The following WWP1 variants were observed in gnomAD, a reference collection of about 807,000 sequenced individuals.
WWP1 encodes NEDD4-like E3 ubiquitin-protein ligase WWP1.
WWP1 carries 49 observed loss-of-function variants against 130.6 expected under a neutral mutation model. That is an observed-to-expected ratio of 0.38 (90% confidence interval 0.30 to 0.48). The LOEUF is 0.48. WWP1 is among the 20% of genes least tolerant of loss of function. The pLI is 0.99. For synonymous variants in WWP1, 332 were observed against 367.8 expected, an observed-to-expected ratio of 0.90 and a Z score of 1.11; for missense variants, 809 against 1,100.6, an observed-to-expected ratio of 0.74 and a Z score of 3.75.
intron 24 of WWP1, among the ~76,000 whole-genome samples, chr8:86,466,487 A>G (rs1307555249): frequency 1.3e-5 from 2 of 152,084 alleles, no homozygotes; most frequent in Admixed American, 1.3e-4. Flanking sequence ...TCCTAAGAGA[A>G]GTTAAGAGGA....
At chr8:86,377,173 C>T (rs966343256) in intron 3 of WWP1, among the ~76,000 whole-genome samples, 1 of 152,100 alleles carries the variant, frequency 6.6e-6, no homozygotes, top group Non-Finnish European at 1.5e-5. Flanking sequence ...GCAACCTCCC[C>T]CTCCTGGGTT....
At position 86,449,075 on chromosome 8, in the gene WWP1, A is replaced by G. The variant is rs192128359; in HGVS notation, c.2273+562A>G. On this transcript the variant is annotated intron_variant, in intron 20 of 24. Coordinates refer to ENST00000517970, the MANE Select transcript of WWP1 (RefSeq NM_007013.4). Reference sequence around the variant, plus strand: ...GGCTGGTCTCAAACTCTTGGCCTCAAGTCATCCTCCTTTCCTCAGCCTCCC... The same window carrying G: ...GGCTGGTCTCAAACTCTTGGCCTCAGGTCATCCTCCTTTCCTCAGCCTCCC... Among the ~76,000 whole-genome samples, 17 of 152,134 alleles carry G rather than the reference A, an allele frequency of 1.1e-4. 1 individual carries two copies. Among genetic ancestry groups the G allele is most frequent in the Middle Eastern group, 3.4e-3 (1 of 294 alleles).
intron 14 of WWP1, 25 bp from the exon 15 acceptor site, chr8:86,435,427 T>C (rs1362099685): frequency 6.2e-7 from 1 of 1,610,822 alleles, no homozygotes; most frequent in East Asian, 2.2e-5. Context: ...ATGAGTTAAT[T>C]TGGTTTATTT....
At chr8:86,362,940 A>G (rs757439265) in intron 1 of WWP1, among the ~76,000 whole-genome samples, 5 of 152,212 alleles carry the variant, frequency 3.3e-5, no homozygotes, top group Non-Finnish European at 7.3e-5. Flanking sequence ...TTCATTATTG[A>G]AAATTGTTTC....
In WWP1 at chr8:86,466,074, G is replaced by A. The variant is rs146786253; in HGVS notation, c.2670-720G>A. ...GGCTATCTCACTAGTCACTGCTACTGTAGGGACCAAAACCCTGAACACCCG... is the reference window on the plus strand; with the variant it reads ...GGCTATCTCACTAGTCACTGCTACTATAGGGACCAAAACCCTGAACACCCG... On this transcript the variant is annotated intron_variant, in intron 24 of 24. Coordinates refer to ENST00000517970, the MANE Select transcript of WWP1 (RefSeq NM_007013.4). 3.2e-4 allele frequency among the ~76,000 whole-genome samples: 49 copies of A among 152,294 alleles called. No individual in the cohort carries two copies. The East Asian group carries it at 9.3e-3, about 29-fold the overall frequency.
At chr8:86,431,884 G>T in intron 14 of WWP1, 141 bp downstream of exon 14, 2 of 1,032,496 alleles carry the variant, frequency 1.9e-6, no homozygotes, top group South Asian at 3.3e-5. Flanking sequence ...TAGTATAGCT[G>T]TCTTTGCTCT....
intron 8 of WWP1, 149 bp from the exon 9 acceptor site, chr8:86,411,389 T>G: frequency 1.6e-6 from 1 of 626,958 alleles, no homozygotes; most frequent in South Asian, 2.9e-5. Context: ...ATGTTACATA[T>G]TTTGAAAATA....
intron 5 of WWP1, among the ~76,000 whole-genome samples, chr8:86,396,555 T>C (rs1807679833): frequency 7.1e-6 from 1 of 139,874 alleles, no homozygotes; most frequent in Non-Finnish European, 1.5e-5. Context: ...TTTTATCACA[T>C]GGTTTAAACA....
At chr8:86,351,896 T>C (rs921415391) in intron 1 of WWP1, among the ~76,000 whole-genome samples, 4 of 152,140 alleles carry the variant, frequency 2.6e-5, no homozygotes, top group African/African-American at 9.7e-5. Flanking sequence ...GAGTGGAGCT[T>C]AGGGATCTTC....
intron 1 of WWP1, among the ~76,000 whole-genome samples, chr8:86,350,004 G>T (rs989127101): frequency 5.9e-5 from 9 of 152,030 alleles, no homozygotes; most frequent in Non-Finnish European, 1.2e-4. Context: ...CGCGCTCCAA[G>T]CCCCAATGGC....
At chr8:86,400,626 ATTC>A (rs1289049548) in intron 7 of WWP1, among the ~76,000 whole-genome samples, 1 of 152,192 alleles carries the variant, frequency 6.6e-6, no homozygotes, top group Non-Finnish European at 1.5e-5. Flanking sequence ...TGTTCTAGAA[ATTC>A]TTCTAACTCT....
chr8:86,448,595 CT>C lies in WWP1; in HGVS notation c.2273+86del. 3 of 1,317,026 alleles carry C rather than the reference CT, an allele frequency of 2.3e-6. No homozygotes were observed. The South Asian group carries it at 5.6e-5, about 25-fold the overall frequency. 81.6% of individuals were successfully genotyped at this position (1,317,026 alleles called of 1,614,324 possible). A position where few individuals can be genotyped will look rare whatever the true frequency, so the allele number is the denominator to read the frequency against. Reference sequence around the variant, plus strand: ...CTCTCTGTACCCTTAATTTCATCCCCTTTTCATGCCTTTGGGAAGTTCTTCT... The same window carrying C: ...CTCTCTGTACCCTTAATTTCATCCCCTTTCATGCCTTTGGGAAGTTCTTCT... On this transcript the variant is annotated intron_variant, in intron 20 of 24. Transcript: ENST00000517970.
chr8:86,439,425 C>G (rs1810478978), intron 17 of WWP1, among the ~76,000 whole-genome samples: 1 of 151,828 alleles, frequency 6.6e-6, no homozygotes, highest in Non-Finnish European at 1.5e-5. Context: ...AACTCCTGAG[C>G]TCAAGAGATT....
intron 20 of WWP1, among the ~76,000 whole-genome samples, chr8:86,452,324 CTATT>C (rs1759033786): frequency 6.6e-6 from 1 of 151,914 alleles, no homozygotes; most frequent in Non-Finnish European, 1.5e-5. Context: ...TTTTCCTTTC[CTATT>C]TATTTTAAAA....
intron 14 of WWP1, among the ~76,000 whole-genome samples, chr8:86,433,428 C>T (rs1033317079): frequency 6.6e-6 from 1 of 151,826 alleles, no homozygotes; most frequent in Non-Finnish European, 1.5e-5. Flanking sequence ...AAAACCTGCT[C>T]TCTGGCCAGG....
Position 86,442,375 on chromosome 8 carries a change from C to A in WWP1, c.1839-244C>A, listed in dbSNP as rs558293068. The A allele has an allele frequency of 3.7e-5, 10 of 269,570 alleles. No homozygotes were observed. In the South Asian group the frequency reaches 1.5e-3, roughly 40 times the overall value. The allele number at this position is 269,570 out of a possible 1,614,324, so 16.7% of individuals were successfully genotyped here. On this transcript the variant is annotated intron_variant, in intron 17 of 24. Transcript: ENST00000517970. ...CATACCCAAGCAAAAGTGTGGCATA[C>A]AAATAAGCATGTTATATCTATATGA...
At chr8:86,450,451 GC>G (rs1811116898) in intron 20 of WWP1, among the ~76,000 whole-genome samples, 1 of 152,116 alleles carries the variant, frequency 6.6e-6, no homozygotes, top group African/African-American at 2.4e-5. Flanking sequence ...TTAAGCCTGA[GC>G]CTTCCACAAA....
chr8:86,440,572 C>CT (rs1563536105), intron 17 of WWP1: 3 of 404,090 alleles, frequency 7.4e-6, no homozygotes, highest in Non-Finnish European at 1.5e-5. Flanking sequence ...CCACACAGTC[C>CT]TTTTTCCTGA....
At chr8:86,451,799 A>G (rs1461821434) in intron 20 of WWP1, among the ~76,000 whole-genome samples, 1 of 152,070 alleles carries the variant, frequency 6.6e-6, no homozygotes, top group Non-Finnish European at 1.5e-5. Context: ...TTCTTTTCAG[A>G]TCCATCTCCT....
Sources: allele counts gnomAD v4.1 joint callset (sites outside exome capture counted in the v4.1 genomes callset), GRCh38; gene constraint gnomAD v4.1.1; transcripts MANE v1.5; gene names NCBI Gene and HGNC (gene_info 2026-07-23, HGNC 2026-07-21).